Variants in SPAG16 observed in about 807,000 individuals in gnomAD.
SPAG16 encodes the protein sperm associated antigen 16.
In SPAG16, 86 loss-of-function variants were observed where a neutral mutation model predicts 80.4. The observed-to-expected ratio is 1.07, with a 90% CI of 0.90 to 1.28. SPAG16 has a LOEUF of 1.28. SPAG16 is among the 50% of genes most tolerant of loss of function. The probability of loss-of-function intolerance (pLI) is 0.00; values close to 1 mark genes in which losing one functional copy is unlikely to be tolerated. For missense variants in SPAG16, 870 were observed against 765.3 expected (o/e 1.14, Z -1.61); for synonymous variants, 294 against 265.9 (o/e 1.11, Z -1.03).
chr2:214,219,368 A>G (rs2058506541), intron 15 of SPAG16, among the ~76,000 whole-genome samples: 1 of 145,550 alleles, frequency 6.9e-6, no homozygotes, highest in Non-Finnish European at 1.5e-5. Context: ...GAAACAACTT[A>G]TCAAATAGAA....
At chr2:213,893,464 G>A (rs1409321628) in intron 11 of SPAG16, among the ~76,000 whole-genome samples, 1 of 152,106 alleles carries the variant, frequency 6.6e-6, no homozygotes, top group Non-Finnish European at 1.5e-5. Flanking sequence ...CATAACTCTA[G>A]TATGAAGCCC....
chr2:213,360,377 G>T (rs1453428114), intron 7 of SPAG16, among the ~76,000 whole-genome samples: 1 of 152,176 alleles, frequency 6.6e-6, no homozygotes, highest in South Asian at 2.1e-4. Flanking sequence ...ATTGCAAAAG[G>T]TGGAAGACAC....
intron 15 of SPAG16, among the ~76,000 whole-genome samples, chr2:214,335,661 T>C (rs1697228272): frequency 6.6e-6 from 1 of 151,944 alleles, no homozygotes; most frequent in Non-Finnish European, 1.5e-5. Context: ...TTTATGTAGC[T>C]CTACCATCCC....
At chr2:214,098,913 C>T (rs1358892923) in intron 13 of SPAG16, among the ~76,000 whole-genome samples, 1 of 151,128 alleles carries the variant, frequency 6.6e-6, no homozygotes, top group Non-Finnish European at 1.5e-5. Context: ...GTCAATGAGA[C>T]TTTTTTTTTG....
At chr2:213,924,569 T>C (rs1040386966) in intron 11 of SPAG16, among the ~76,000 whole-genome samples, 2 of 152,236 alleles carry the variant, frequency 1.3e-5, no homozygotes, top group Non-Finnish European at 2.9e-5. Flanking sequence ...AAGCTGCTTC[T>C]CGTCTGCCAT....
chr2:214,051,329 A>T (rs1354567751), intron 13 of SPAG16, among the ~76,000 whole-genome samples: 2 of 152,226 alleles, frequency 1.3e-5, no homozygotes, highest in Non-Finnish European at 2.9e-5. Flanking sequence ...GGGTAGAAAT[A>T]AGAAGACCAA....
chr2:213,765,551 T>G (rs1458600241), intron 10 of SPAG16, among the ~76,000 whole-genome samples: 1 of 152,180 alleles, frequency 6.6e-6, no homozygotes, highest in African/African-American at 2.4e-5. Flanking sequence ...CCTTTTTCTG[T>G]CTGCATTCTT....
At chr2:213,425,651 CAAA>C (rs34843702) in intron 9 of SPAG16, among the ~76,000 whole-genome samples, 4 of 82,122 alleles carry the variant, frequency 4.9e-5, no homozygotes, top group South Asian at 4.4e-4. Flanking sequence ...GACTCCATCT[CAAA>C]AAAAAAAAAA....
intron 1 of SPAG16, among the ~76,000 whole-genome samples, chr2:213,288,026 T>C (rs901284463): frequency 1.3e-5 from 2 of 152,190 alleles, no homozygotes; most frequent in Non-Finnish European, 2.9e-5. Flanking sequence ...CCACCTCAGC[T>C]TCCTGAGTAG....
At chr2:214,257,144 A>G (rs551303231) in intron 15 of SPAG16, among the ~76,000 whole-genome samples, 7 of 152,024 alleles carry the variant, frequency 4.6e-5, no homozygotes, top group Admixed American at 3.9e-4. Flanking sequence ...AAGTAATAGC[A>G]TGTATTTTCA....
At chr2:214,185,027 CAAT>C (rs1352967348) in intron 15 of SPAG16, among the ~76,000 whole-genome samples, 2 of 151,734 alleles carry the variant, frequency 1.3e-5, no homozygotes, top group African/African-American at 4.8e-5. Context: ...TTATTAATCT[CAAT>C]AATCAGTTGT....
chr2:213,522,334 A>C (rs2075709039), intron 10 of SPAG16, among the ~76,000 whole-genome samples: 1 of 152,212 alleles, frequency 6.6e-6, no homozygotes. Flanking sequence ...TTTTAAGTAA[A>C]ATTGTTCATG....
chr2:214,023,995 T>C (rs2048015666), intron 13 of SPAG16, among the ~76,000 whole-genome samples: 1 of 151,696 alleles, frequency 6.6e-6, no homozygotes, highest in African/African-American at 2.4e-5. Context: ...AAATAATTTC[T>C]TTATACTTCA....
intron 9 of SPAG16, among the ~76,000 whole-genome samples, chr2:213,482,884 G>A (rs2073819221): frequency 6.6e-6 from 1 of 152,080 alleles, no homozygotes; most frequent in Admixed American, 6.6e-5. Context: ...GGTATTTATA[G>A]ATTACATACA....
At chr2:213,587,065 C>T (rs2060498536) in intron 10 of SPAG16, among the ~76,000 whole-genome samples, 1 of 152,172 alleles carries the variant, frequency 6.6e-6, no homozygotes, top group Non-Finnish European at 1.5e-5. Context: ...CATGGCTTTT[C>T]TGGGCTTGAA....
intron 9 of SPAG16, among the ~76,000 whole-genome samples, chr2:213,471,579 G>A (rs2073080876): frequency 6.6e-6 from 1 of 152,186 alleles, no homozygotes; most frequent in Non-Finnish European, 1.5e-5. Context: ...CCTCTGCTGT[G>A]ATTCACCTAT....
At chr2:213,753,783 T>G (rs1464607034) in intron 10 of SPAG16, among the ~76,000 whole-genome samples, 1 of 152,198 alleles carries the variant, frequency 6.6e-6, no homozygotes, top group Non-Finnish European at 1.5e-5. Flanking sequence ...TCACTGCAAT[T>G]GTAGATGGCA....
At chr2:214,098,620 T>C (rs1483397940) in intron 13 of SPAG16, among the ~76,000 whole-genome samples, 1 of 152,084 alleles carries the variant, frequency 6.6e-6, no homozygotes, top group African/African-American at 2.4e-5. Context: ...TAAATCTCTT[T>C]CGTTTAAGCC....
intron 9 of SPAG16, among the ~76,000 whole-genome samples, chr2:213,458,468 AGG>A (rs972488743): frequency 6.6e-6 from 1 of 151,882 alleles, no homozygotes; most frequent in Non-Finnish European, 1.5e-5. Flanking sequence ...GCTACTAGGG[AGG>A]CTGAGGCAGG....
Sources: gnomAD v4.1 joint callset for allele counts (sites outside exome capture counted in the v4.1 genomes callset) on GRCh38, gnomAD v4.1.1 for gene constraint, MANE v1.5 for transcripts, NCBI Gene and HGNC (gene_info 2026-07-23, HGNC 2026-07-21) for gene names.